Variants in DOCK4 observed in about 807,000 individuals in gnomAD.
DOCK4 encodes the protein dedicator of cytokinesis 4.
In DOCK4, 97 loss-of-function variants were observed where a neutral mutation model predicts 268.1. The observed-to-expected ratio is 0.36, with a 90% CI of 0.31 to 0.43. The LOEUF (loss-of-function observed/expected upper bound fraction) is 0.43. Ranked by LOEUF, DOCK4 falls within the 20% of genes least tolerant of loss-of-function variation. DOCK4 has a pLI of 1.00. For synonymous variants in DOCK4, 954 were observed against 887.2 expected (o/e 1.08, Z -1.34); for missense variants, 2,145 against 2,455.7 (o/e 0.87, Z 2.67).
intron 1 of DOCK4, among the ~76,000 whole-genome samples, chr7:112,036,997 C>T (rs1322000022): frequency 6.6e-6 from 1 of 152,138 alleles, no homozygotes; most frequent in Non-Finnish European, 1.5e-5. Flanking sequence ...GAAAGCAATA[C>T]ACACTGACAG....
chr7:112,186,271 C>T (rs939073577), intron 1 of DOCK4, among the ~76,000 whole-genome samples: 2 of 152,156 alleles, frequency 1.3e-5, no homozygotes, highest in African/African-American at 4.8e-5. Flanking sequence ...AACAGACACC[C>T]CTTATTCCCA....
intron 1 of DOCK4, among the ~76,000 whole-genome samples, chr7:112,180,102 C>G (rs565088140): frequency 3.9e-5 from 6 of 151,946 alleles, no homozygotes; most frequent in African/African-American, 1.5e-4. Context: ...AAGTCAACTA[C>G]GGTTTAGCTG....
At chr7:112,149,510 T>C (rs1457139796) in intron 1 of DOCK4, among the ~76,000 whole-genome samples, 3 of 150,266 alleles carry the variant, frequency 2.0e-5, no homozygotes, top group African/African-American at 4.9e-5. Flanking sequence ...TATAAAGAGG[T>C]TTAAAAAAAA....
At chr7:111,998,872 G>A (rs139651378) in intron 3 of DOCK4, among the ~76,000 whole-genome samples, 8 of 119,040 alleles carry the variant, frequency 6.7e-5, no homozygotes, top group African/African-American at 1.9e-4. Flanking sequence ...AAGGTTCTTC[G>A]TTTTGATGGT....
At chr7:111,765,671 C>T (rs541797865) in intron 38 of DOCK4, among the ~76,000 whole-genome samples, 1 of 152,246 alleles carries the variant, frequency 6.6e-6, no homozygotes, top group Admixed American at 6.5e-5. Flanking sequence ...TGTGGGTTTG[C>T]CTCCACCTGG....
intron 12 of DOCK4, among the ~76,000 whole-genome samples, chr7:111,929,958 G>A (rs1794062331): frequency 6.6e-6 from 1 of 152,168 alleles, no homozygotes; most frequent in Non-Finnish European, 1.5e-5. Flanking sequence ...GTTTCAAGAC[G>A]TAGAACTTAA....
At chr7:111,952,786 A>G (rs1236940837) in intron 8 of DOCK4, among the ~76,000 whole-genome samples, 1 of 152,268 alleles carries the variant, frequency 6.6e-6, no homozygotes, top group East Asian at 1.9e-4. Flanking sequence ...ATAACAACAG[A>G]GAACACATTT....
At chr7:111,747,471 A>G in intron 42 of DOCK4, 28 bp from the exon 43 acceptor site, 1 of 1,544,712 alleles carries the variant, frequency 6.5e-7, no homozygotes, top group Non-Finnish European at 8.7e-7. Flanking sequence ...ATAAATATAT[A>G]TTGAATTTGT....
intron 25 of DOCK4, among the ~76,000 whole-genome samples, chr7:111,841,657 C>A (rs960119238): frequency 6.6e-6 from 1 of 152,060 alleles, no homozygotes; most frequent in Non-Finnish European, 1.5e-5. Flanking sequence ...CCCCACACAC[C>A]TGGACAGTCT....
chr7:111,913,943 G>A (rs1417775179), intron 13 of DOCK4, among the ~76,000 whole-genome samples: 1 of 152,072 alleles, frequency 6.6e-6, no homozygotes, highest in Admixed American at 6.5e-5. Flanking sequence ...AGCCATGTTG[G>A]CTATGACTAC....
At chr7:111,828,860 T>C (rs1802590916) in intron 26 of DOCK4, among the ~76,000 whole-genome samples, 1 of 147,854 alleles carries the variant, frequency 6.8e-6, no homozygotes, top group Non-Finnish European at 1.5e-5. Context: ...AATAATTATA[T>C]TAACACTAAA....
At chr7:111,809,596 A>G (rs770345145) in intron 28 of DOCK4, among the ~76,000 whole-genome samples, 195 bp from the exon 29 acceptor site, 13 of 152,336 alleles carry the variant, frequency 8.5e-5, no homozygotes, top group Non-Finnish European at 1.2e-4. Context: ...CTACTTGTAC[A>G]TATGCTTAAA....
chr7:111,788,696 C>T lies in DOCK4; in HGVS notation c.3367G>A (p.Gly1123Ser), dbSNP rs1351517478. 1 of 1,593,180 alleles carries T rather than the reference C, an allele frequency of 6.3e-7. No homozygotes were observed. The highest frequency in any genetic ancestry group is 8.6e-7 in the Non-Finnish European group (1 of 1,168,562). Residue 1123 changes from glycine to serine, a missense_variant, in exon 32 of 53, where the codon GGT (glycine) becomes AGT (serine). By Grantham distance (56) the Gly-to-Ser change is moderately conservative. This residue lies in a region of DOCK4 where 1,598 missense variants were observed against 1,986.7 expected (regional missense o/e 0.80). Transcript: ENST00000428084. ...KLDSLMSEGK[G>S]DETYRELFNS... ...AAGAGCTCGCGGTATGTTTCGTCAC[C>T]TTTGCCTTCTGACATCAGGCTATCC...
chr7:111,727,651 T>G lies in DOCK4; in HGVS notation c.*623A>C, dbSNP rs1235633278. The stretch of plus-strand genomic sequence containing the variant: ...GGTAGTAAGGGATTTAGCTACCAAT[T>G]CACAAAATAGAATTTTACGAATGTA... On this transcript the variant is annotated 3_prime_UTR_variant, in exon 53 of 53. Coordinates refer to ENST00000428084, the MANE Select transcript of DOCK4 (RefSeq NM_001363540.2). The G allele has an allele frequency of 1.3e-5, 2 of 152,458 alleles. No homozygotes were observed. The highest frequency in any genetic ancestry group is 4.8e-5 in the African/African-American group (2 of 41,436). 9.4% of individuals were successfully genotyped at this position (152,458 alleles called of 1,614,324 possible). A position where few individuals can be genotyped will look rare whatever the true frequency, so the allele number is the denominator to read the frequency against.
At chr7:112,166,303 A>C (rs554675888) in intron 1 of DOCK4, among the ~76,000 whole-genome samples, 1 of 152,052 alleles carries the variant, frequency 6.6e-6, no homozygotes, top group South Asian at 2.1e-4. Context: ...TATGACTGAC[A>C]AAAAAAAGCT....
chr7:111,741,295 AG>A, intron 46 of DOCK4, 81 bp from the exon 47 acceptor site: 3 of 1,554,310 alleles, frequency 1.9e-6, no homozygotes, highest in South Asian at 1.2e-5. Context: ...ATGAAACCAA[AG>A]GGGGGAAAAT....
At chr7:112,116,763 T>G (rs1458390994) in intron 1 of DOCK4, among the ~76,000 whole-genome samples, 2 of 152,200 alleles carry the variant, frequency 1.3e-5, no homozygotes, top group Non-Finnish European at 2.9e-5. Flanking sequence ...TACAGTTTTC[T>G]TTTCTTTTCT....
chr7:111,880,450 T>C (rs923981216), intron 16 of DOCK4, among the ~76,000 whole-genome samples: 3 of 152,098 alleles, frequency 2.0e-5, no homozygotes, highest in African/African-American at 7.2e-5. Flanking sequence ...CAAGAAATGC[T>C]AAAGGGAGCT....
At chr7:112,117,028 C>G (rs778894814) in intron 1 of DOCK4, among the ~76,000 whole-genome samples, 1 of 152,242 alleles carries the variant, frequency 6.6e-6, no homozygotes, top group Non-Finnish European at 1.5e-5. Context: ...GAAACAGTAA[C>G]TGAAGACTCC....
Sources: gnomAD v4.1 joint callset for allele counts (sites outside exome capture counted in the v4.1 genomes callset) on GRCh38, gnomAD v4.1.1 for gene constraint, gnomAD v4.1.1 regional missense constraint, MANE v1.5 for transcripts, NCBI Gene and HGNC (gene_info 2026-07-23, HGNC 2026-07-21) for gene names.